ST8SIA2: variants seen among roughly 807,000 people sequenced by gnomAD.
ST8SIA2 encodes alpha-2,8-sialyltransferase 8B.
Under a neutral mutation model 37.6 loss-of-function variants are expected in ST8SIA2, and 22 were observed. That is an observed-to-expected ratio of 0.58 (90% CI 0.42 to 0.83). The LOEUF (loss-of-function observed/expected upper bound fraction) is 0.83, where lower values mean the gene tolerates loss of function less well. Among genes scored for constraint, ST8SIA2 ranks in the 40% least tolerant of loss-of-function variants. The pLI, the probability that ST8SIA2 is intolerant of heterozygous loss-of-function variation, is 0.00. For synonymous variants in ST8SIA2, 205 were observed against 201.2 expected (o/e 1.02, Z -0.16); for missense variants, 382 against 484.7 (o/e 0.79, Z 1.99).
intron 5 of ST8SIA2, among the ~76,000 whole-genome samples, chr15:92,448,199 C>T (rs1163813696): frequency 6.6e-6 from 1 of 152,206 alleles, no homozygotes; most frequent in East Asian, 1.9e-4. Context: ...GGAGGAAATA[C>T]TGCAGGAGAT....
intron 5 of ST8SIA2, among the ~76,000 whole-genome samples, chr15:92,461,070 A>G (rs2049954100): frequency 6.6e-6 from 1 of 152,194 alleles, no homozygotes; most frequent in Non-Finnish European, 1.5e-5. Context: ...CTTTCAAACG[A>G]GACATTTAGC....
At chr15:92,401,588 C>T (rs1029066857) in intron 1 of ST8SIA2, among the ~76,000 whole-genome samples, 1 of 152,164 alleles carries the variant, frequency 6.6e-6, no homozygotes, top group African/African-American at 2.4e-5. Context: ...CTGACACTTT[C>T]AAGCACTTGG....
chr15:92,415,670 G>C (rs553726034), intron 1 of ST8SIA2, among the ~76,000 whole-genome samples: 1 of 152,146 alleles, frequency 6.6e-6, no homozygotes, highest in African/African-American at 2.4e-5. Context: ...AGCCAGAAAT[G>C]AGGATATTTT....
chr15:92,453,478 A>T (rs750438763), intron 5 of ST8SIA2, among the ~76,000 whole-genome samples: 8 of 152,226 alleles, frequency 5.3e-5, no homozygotes, highest in Non-Finnish European at 8.8e-5. Context: ...CTTAGGTTCA[A>T]ATCATGTATA....
intron 4 of ST8SIA2, among the ~76,000 whole-genome samples, chr15:92,441,475 C>T (rs1276826040): frequency 6.6e-6 from 1 of 152,146 alleles, no homozygotes; most frequent in African/African-American, 2.4e-5. Context: ...AGGAGAGCCC[C>T]ACGATCCTGC....
intron 2 of ST8SIA2, among the ~76,000 whole-genome samples, chr15:92,432,160 G>A (rs987485672): frequency 2.0e-5 from 3 of 152,160 alleles, no homozygotes; most frequent in African/African-American, 4.8e-5. Flanking sequence ...CCAGAGCCCA[G>A]TCACTGATTT....
At chr15:92,437,213 G>A (rs185790362) in intron 3 of ST8SIA2, among the ~76,000 whole-genome samples, 49 of 152,308 alleles carry the variant, frequency 3.2e-4, no homozygotes, top group African/African-American at 1.1e-3. Flanking sequence ...AGCAGAATAT[G>A]AAATTAATTT....
At chr15:92,433,944 T>TCTGAC (rs3034472) in intron 2 of ST8SIA2, among the ~76,000 whole-genome samples, 68,447 of 151,684 alleles carry the variant, frequency 0.45, 16,576 homozygotes, top group East Asian at 0.7. Flanking sequence ...TAAGAAATAT[T>TCTGAC]ACTCTTCTGA....
intron 1 of ST8SIA2, among the ~76,000 whole-genome samples, chr15:92,423,763 CTG>C (rs2049654277): frequency 6.6e-6 from 1 of 152,406 alleles, no homozygotes. Flanking sequence ...CCTCCTAACA[CTG>C]TTGCATTGGA....
At chr15:92,401,395 C>A (rs1000987785) in intron 1 of ST8SIA2, among the ~76,000 whole-genome samples, 4 of 152,208 alleles carry the variant, frequency 2.6e-5, no homozygotes, top group African/African-American at 9.6e-5. Flanking sequence ...TAGTCTCCTG[C>A]AATTTATCAC....
chr15:92,406,075 C>A (rs569908962), intron 1 of ST8SIA2, among the ~76,000 whole-genome samples: 1 of 152,276 alleles, frequency 6.6e-6, no homozygotes, highest in African/African-American at 2.4e-5. Flanking sequence ...ATACTGATCC[C>A]AAGATTTGGC....
At chr15:92,457,833 C>T (rs2049930398) in intron 5 of ST8SIA2, among the ~76,000 whole-genome samples, 1 of 152,162 alleles carries the variant, frequency 6.6e-6, no homozygotes, top group South Asian at 2.1e-4. Context: ...ATAAGTGGGT[C>T]CCTCTGTGCC....
intron 1 of ST8SIA2, among the ~76,000 whole-genome samples, chr15:92,426,460 A>G (rs73545841): frequency 0.038 from 5,764 of 152,286 alleles, 347 homozygotes; most frequent in African/African-American, 0.13. Context: ...GCCGAGGTTG[A>G]GAACCCCTGA....
At chr15:92,428,557 A>G (rs1168326088) in intron 1 of ST8SIA2, among the ~76,000 whole-genome samples, 1 of 152,216 alleles carries the variant, frequency 6.6e-6, no homozygotes, top group Non-Finnish European at 1.5e-5. Context: ...CACATCCAGC[A>G]ATGCCCTTGG....
intron 5 of ST8SIA2, among the ~76,000 whole-genome samples, chr15:92,456,346 A>AC (rs5814541): frequency 0.38 from 56,783 of 150,026 alleles, 11,476 homozygotes; most frequent in Admixed American, 0.49. Flanking sequence ...CCCAGAATGA[A>AC]CCTCTAGCCT....
intron 1 of ST8SIA2, among the ~76,000 whole-genome samples, chr15:92,396,631 T>A (rs538497453): frequency 2.6e-5 from 4 of 151,992 alleles, no homozygotes; most frequent in African/African-American, 4.8e-5. Flanking sequence ...GTAGCTGGGA[T>A]TACAGGCACC....
chr15:92,441,617 A>ACG (rs986009725), intron 4 of ST8SIA2, among the ~76,000 whole-genome samples: 6 of 140,282 alleles, frequency 4.3e-5, no homozygotes, highest in African/African-American at 1.3e-4. Context: ...ACACACACAC[A>ACG]CACGCACTTC....
At chr15:92,415,815 A>G (rs1356653878) in intron 1 of ST8SIA2, among the ~76,000 whole-genome samples, 3 of 152,190 alleles carry the variant, frequency 2.0e-5, no homozygotes, top group African/African-American at 7.2e-5. Flanking sequence ...TCAGCAAATG[A>G]AAAATAGAAC....
intron 1 of ST8SIA2, among the ~76,000 whole-genome samples, chr15:92,427,120 G>T (rs753779246): frequency 6.6e-6 from 1 of 152,088 alleles, no homozygotes; most frequent in Admixed American, 6.5e-5. Context: ...AGTGTATGAG[G>T]TGATGGATAT....
Sources: allele counts gnomAD v4.1 joint callset (sites outside exome capture counted in the v4.1 genomes callset), GRCh38; gene constraint gnomAD v4.1.1; transcripts MANE v1.5; gene names NCBI Gene and HGNC (gene_info 2026-07-23, HGNC 2026-07-21).